Variants in CFAP221 observed in about 807,000 individuals in gnomAD.
CFAP221 encodes the protein cilia and flagella associated protein 221, also known as cilia- and flagella-associated protein 221.
CFAP221 carries 97 observed loss-of-function variants against 113.1 expected under a neutral mutation model. That is an observed-to-expected ratio of 0.86 (90% CI 0.73 to 1.02). The LOEUF (loss-of-function observed/expected upper bound fraction) is 1.02. CFAP221 is among the 50% of genes least tolerant of loss of function. The pLI, the probability that CFAP221 is intolerant of heterozygous loss-of-function variation, is 0.00. For synonymous variants in CFAP221, 331 were observed against 354.4 expected (o/e 0.93, Z 0.74); for missense variants, 1,025 against 1,013.4 (o/e 1.01, Z -0.16).
intron 19 of CFAP221, 70 bp downstream of exon 19, chr2:119,630,971 G>A (rs773159319): frequency 1.3e-5 from 20 of 1,549,472 alleles, no homozygotes; most frequent in Admixed American, 1.8e-5. Flanking sequence ...ATAGGAAACA[G>A]AGCACTCATT....
chr2:119,595,774 T>A (rs951339836), intron 7 of CFAP221, among the ~76,000 whole-genome samples: 7 of 152,096 alleles, frequency 4.6e-5, no homozygotes, highest in African/African-American at 1.7e-4. Flanking sequence ...GACATGGTGA[T>A]GTGACCAGGT....
rs143197273 is a variant in CFAP221 at position 119,630,796 on chromosome 2, G to A, written c.1869G>A (p.Pro623=). The change falls in exon 19 of 24, where the codon CCG becomes CCA. Residue 623 remains proline (P), a synonymous_variant. Coordinates refer to ENST00000413369, the MANE Select transcript of CFAP221 (RefSeq NM_001271049.2). ...EDEVTTITAL[P]KQDSTTQLSG... ...AAGTCACCACCATCACAGCCCTTCC[G>A]AAACAGGACTCCACAACTCAGCTCT... 201 of 1,612,610 alleles carry A rather than the reference G, an allele frequency of 1.2e-4. No homozygotes were observed. The highest frequency in any genetic ancestry group is 5.5e-4 in the African/African-American group (41 of 75,020).
In CFAP221 at chr2:119,588,658, A is replaced by G. The variant is rs569259857; in HGVS notation, c.631+1436A>G. On this transcript the variant is annotated intron_variant, in intron 7 of 23. Transcript: ENST00000413369. ...AGGGCCACATAATTCAGACAAATGC[A>G]TGATACATGAGATACTTTGTCTGAT... Among the ~76,000 whole-genome samples, 140 of 152,312 alleles carry G rather than the reference A, an allele frequency of 9.2e-4. 1 individual carries two copies. The highest frequency in any genetic ancestry group is 1.6e-3 in the Non-Finnish European group (108 of 68,024).
intron 6 of CFAP221, among the ~76,000 whole-genome samples, chr2:119,572,041 G>T (rs534294702): frequency 4.9e-4 from 74 of 152,350 alleles, no homozygotes; most frequent in South Asian, 1.0e-3. Context: ...TGAGACCTCA[G>T]CACATTTTCC....
rs75784594 is a variant in CFAP221, at chr2:119,629,546, C to A, written c.1651-329C>A. ...GCCCCTGAAGAGGGCTCCCCTGCCC[C>A]CAAGAGGTGTTTCTATCCCTACACT... On this transcript the variant is annotated intron_variant, in intron 16 of 23. Coordinates refer to ENST00000413369, the MANE Select transcript of CFAP221 (RefSeq NM_001271049.2). Among the ~76,000 whole-genome samples the A allele has an allele frequency of 4.4e-3, 674 of 152,280 alleles. 8 individuals carry two copies. Among genetic ancestry groups the A allele is most frequent in the East Asian group, 0.029 (148 of 5,188 alleles).
At chr2:119,586,541 C>T (rs889087107) in intron 6 of CFAP221, among the ~76,000 whole-genome samples, 1 of 152,158 alleles carries the variant, frequency 6.6e-6, no homozygotes, top group Non-Finnish European at 1.5e-5. Context: ...CTAATGGTTG[C>T]TGGACTTCTG....
rs1232388199 is a variant in CFAP221 at position 119,633,340 on chromosome 2, C to A, written c.1974+2439C>A. On this transcript the variant is annotated intron_variant, in intron 19 of 23. Coordinates refer to ENST00000413369, the MANE Select transcript of CFAP221 (RefSeq NM_001271049.2). ...AGATAAAACACCAAAAAACCACAAT[C>A]CATAAATGAAAAAAAAATGGATTAA... Among the ~76,000 whole-genome samples the A allele has an allele frequency of 1.9e-4, 6 of 31,272 alleles. No homozygotes were observed. In the East Asian group the frequency reaches 4.2e-3, roughly 22 times the overall value. 20.5% of individuals were successfully genotyped at this position (31,272 alleles called of 152,430 possible).
At chr2:119,613,682 C>T (rs1216854742) in intron 13 of CFAP221, among the ~76,000 whole-genome samples, 1 of 152,212 alleles carries the variant, frequency 6.6e-6, no homozygotes, top group Admixed American at 6.5e-5. Context: ...ACCATTTTTC[C>T]CTCCTAGGTC....
chr2:119,647,610 C>A (rs948683109), intron 22 of CFAP221, among the ~76,000 whole-genome samples: 1 of 152,122 alleles, frequency 6.6e-6, no homozygotes, highest in African/African-American at 2.4e-5. Context: ...AGCATTCGTA[C>A]GTCCAGCTCA....
chr2:119,552,951 G>A (rs1680532399), intron 3 of CFAP221, among the ~76,000 whole-genome samples: 1 of 152,116 alleles, frequency 6.6e-6, no homozygotes. Flanking sequence ...TAGAGTTAAG[G>A]ATTTTCTTCT....
At chr2:119,649,700 G>A (rs1199940527) in intron 22 of CFAP221, among the ~76,000 whole-genome samples, 1 of 152,218 alleles carries the variant, frequency 6.6e-6, no homozygotes, top group East Asian at 1.9e-4. Context: ...TATTCCCTGA[G>A]TGTCACAGGG....
At chr2:119,654,340 A>G (rs754552789) in intron 23 of CFAP221, among the ~76,000 whole-genome samples, 31 of 152,148 alleles carry the variant, frequency 2.0e-4, no homozygotes, top group Non-Finnish European at 4.1e-4. Context: ...GCACCTCAAC[A>G]CATAGATGCA....
chr2:119,548,578 C>A (rs957496565), intron 2 of CFAP221, among the ~76,000 whole-genome samples: 4 of 152,188 alleles, frequency 2.6e-5, no homozygotes, highest in Admixed American at 2.0e-4. Context: ...CGAGTGATAA[C>A]TTTTCAGAGC....
At chr2:119,554,873 T>C (rs978708860) in intron 3 of CFAP221, among the ~76,000 whole-genome samples, 1 of 152,222 alleles carries the variant, frequency 6.6e-6, no homozygotes, top group Non-Finnish European at 1.5e-5. Context: ...ATGTTAAGTA[T>C]GAACCTTCTT....
rs1299361957 is a variant in CFAP221 at position 119,548,288 on chromosome 2, G to C, written c.140-797G>C. On this transcript the variant is annotated intron_variant, in intron 2 of 23. Coordinates refer to ENST00000413369, the MANE Select transcript of CFAP221 (RefSeq NM_001271049.2). ...TTTTATTTTTGATTACCAGCTGTGG[G>C]CAAGTTTCTTAACCTTGCTAAGTCT... Among the ~76,000 whole-genome samples the C allele has an allele frequency of 3.3e-5, 5 of 152,274 alleles. No homozygotes were observed. In the East Asian group the frequency reaches 9.6e-4, roughly 29 times the overall value.
chr2:119,650,346 C>T (rs904116599), intron 22 of CFAP221, among the ~76,000 whole-genome samples: 4 of 152,230 alleles, frequency 2.6e-5, no homozygotes, highest in Admixed American at 6.5e-5. Context: ...GCCATCTACT[C>T]AAATCACTGC....
chr2:119,602,965 G>A (rs1024432129), intron 8 of CFAP221, among the ~76,000 whole-genome samples: 4 of 152,038 alleles, frequency 2.6e-5, no homozygotes, highest in Non-Finnish European at 5.9e-5. Context: ...ATCTTATCTG[G>A]TATACTCTTG....
intron 8 of CFAP221, chr2:119,602,715 T>C: frequency 1.0e-6 from 1 of 985,446 alleles, no homozygotes; most frequent in Non-Finnish European, 1.2e-6. Context: ...CAAGTAGAAC[T>C]GAACACAAAT....
intron 3 of CFAP221, among the ~76,000 whole-genome samples, chr2:119,553,221 G>C (rs559577609): frequency 1.3e-5 from 2 of 152,294 alleles, no homozygotes; most frequent in East Asian, 1.9e-4. Flanking sequence ...GAGGCCATTG[G>C]GGGTAGCCCA....
Sources: allele counts gnomAD v4.1 joint callset (sites outside exome capture counted in the v4.1 genomes callset), GRCh38; gene constraint gnomAD v4.1.1; transcripts MANE v1.5; gene names NCBI Gene and HGNC (gene_info 2026-07-23, HGNC 2026-07-21).